Variants in EDNRB observed in about 807,000 individuals in gnomAD.
The protein encoded by EDNRB is endothelin receptor type B, also known as Hirschsprung disease 2.
In EDNRB, 18 loss-of-function variants were observed where a neutral mutation model predicts 46.4. That is an observed-to-expected ratio of 0.39 (90% CI 0.27 to 0.57). The LOEUF is 0.57. EDNRB is among the 20% of genes least tolerant of loss of function. EDNRB has a pLI of 0.61. For missense variants in EDNRB, 434 were observed against 537.5 expected, an observed-to-expected ratio of 0.81 and a Z score of 1.90; for synonymous variants, 213 against 204.9, an observed-to-expected ratio of 1.04 and a Z score of -0.34.
rs568370569 is a variant in EDNRB at position 77,912,747 on chromosome 13, C to T, written c.483+5344G>A. Among the ~76,000 whole-genome samples the T allele has an allele frequency of 2.6e-5, 4 of 152,190 alleles. No individual in the cohort carries two copies. In the South Asian group the frequency reaches 8.3e-4, roughly 32 times the overall value. On this transcript the variant is annotated intron_variant, in intron 1 of 6. Transcript: ENST00000646607. ...ATACTTTAAATGCACTTAATTGGTG[C>T]TCCTTAAAAATTATTTTGCTTTACA... is the stretch of plus-strand genomic sequence containing the variant.
At chr13:77,900,995 ATAAT>A (rs1437680486) in intron 4 of EDNRB, 59 bp downstream of exon 4, 50 of 1,579,536 alleles carry the variant, frequency 3.2e-5, no homozygotes, top group Non-Finnish European at 4.1e-5. Flanking sequence ...CATCATCATC[ATAAT>A]TTTCATATTC....
chr13:77,964,833 T>A (rs140329777), intron 1 of EDNRB, among the ~76,000 whole-genome samples: 1 of 152,000 alleles, frequency 6.6e-6, no homozygotes, highest in Non-Finnish European at 1.5e-5. Context: ...GCAGATTTGC[T>A]AATCCTCTCT....
intron 1 of EDNRB, among the ~76,000 whole-genome samples, chr13:77,961,481 C>G (rs535314081): frequency 2.0e-5 from 3 of 152,302 alleles, no homozygotes; most frequent in African/African-American, 4.8e-5. Context: ...GAAACTCACT[C>G]AAAACCACTC....
chr13:77,904,873 G>T (rs1879196232), intron 1 of EDNRB, among the ~76,000 whole-genome samples: 1 of 151,934 alleles, frequency 6.6e-6, no homozygotes, highest in Non-Finnish European at 1.5e-5. Flanking sequence ...AGACACAATG[G>T]AGTCTTTCCA....
intron 5 of EDNRB, 69 bp from the exon 6 acceptor site, chr13:77,900,036 T>G: frequency 7.3e-7 from 1 of 1,370,758 alleles, no homozygotes; most frequent in Non-Finnish European, 1.0e-6. Flanking sequence ...TTGTAGCTTC[T>G]GTGCTTTTGT....
At chr13:77,910,952 G>A (rs1879537199) in intron 1 of EDNRB, among the ~76,000 whole-genome samples, 1 of 151,948 alleles carries the variant, frequency 6.6e-6, no homozygotes, top group East Asian at 1.9e-4. Flanking sequence ...TTTCTTAAGA[G>A]AAATTGAAGT....
chr13:77,929,786 T>C (rs1452971091), intron 1 of EDNRB, among the ~76,000 whole-genome samples: 1 of 152,202 alleles, frequency 6.6e-6, no homozygotes, highest in African/African-American at 2.4e-5. Flanking sequence ...TGAGAAGCCT[T>C]ATGCAAATCA....
At chr13:77,966,116 TG>T (rs1881573595) in intron 1 of EDNRB, among the ~76,000 whole-genome samples, 1 of 152,170 alleles carries the variant, frequency 6.6e-6, no homozygotes, top group Admixed American at 6.5e-5. Context: ...CTTGAATTCA[TG>T]GGCTCAAGTG....
intron 1 of EDNRB, among the ~76,000 whole-genome samples, chr13:77,930,049 A>G (rs1464096085): frequency 6.6e-6 from 1 of 152,152 alleles, no homozygotes; most frequent in Non-Finnish European, 1.5e-5. Context: ...TCTCGTAGTT[A>G]TGGATTGATT....
At chr13:77,907,121 T>TG in intron 1 of EDNRB, among the ~76,000 whole-genome samples, 1 of 152,054 alleles carries the variant, frequency 6.6e-6, no homozygotes. Context: ...TAACTTTATG[T>TG]GTTAACTTGA....
intron 1 of EDNRB, among the ~76,000 whole-genome samples, chr13:77,931,744 C>CAAAAA (rs67176737): frequency 3.6e-5 from 3 of 83,446 alleles, no homozygotes; most frequent in South Asian, 4.2e-4. Flanking sequence ...ACTGTAGTAG[C>CAAAAA]AAAAAAAAAA....
At chr13:77,964,622 C>T (rs939957319) in intron 1 of EDNRB, among the ~76,000 whole-genome samples, 28 of 152,078 alleles carry the variant, frequency 1.8e-4, no homozygotes, top group African/African-American at 6.8e-4. Flanking sequence ...ACACCGGGGC[C>T]TGTCATGGGG....
intron 1 of EDNRB, among the ~76,000 whole-genome samples, chr13:77,913,746 A>G (rs1879686609): frequency 6.6e-6 from 1 of 152,174 alleles, no homozygotes; most frequent in Admixed American, 6.5e-5. Context: ...ACAACAACAT[A>G]AACACATTGA....
chr13:77,937,918 T>C (rs1432747173), intron 1 of EDNRB, among the ~76,000 whole-genome samples: 1 of 152,188 alleles, frequency 6.6e-6, no homozygotes, highest in African/African-American at 2.4e-5. Flanking sequence ...TGTAAAAGAA[T>C]GCCTGGATGT....
At chr13:77,925,369 T>G (rs1880207866) in intron 1 of EDNRB, among the ~76,000 whole-genome samples, 1 of 152,242 alleles carries the variant, frequency 6.6e-6, no homozygotes, top group African/African-American at 2.4e-5. Context: ...GTTCTATTTT[T>G]TAATAGAGGT....
intron 1 of EDNRB, among the ~76,000 whole-genome samples, chr13:77,913,719 A>G (rs759718408): frequency 3.9e-5 from 6 of 152,194 alleles, no homozygotes; most frequent in Non-Finnish European, 7.4e-5. Context: ...ACCAAGCCAA[A>G]TCAACTAACC....
chr13:77,945,973 C>T (rs1488441885), intron 1 of EDNRB, among the ~76,000 whole-genome samples: 2 of 151,442 alleles, frequency 1.3e-5, no homozygotes, highest in African/African-American at 4.9e-5. Context: ...GGTATTATCA[C>T]ACAAAGATAG....
intron 1 of EDNRB, among the ~76,000 whole-genome samples, chr13:77,954,964 A>G (rs891510597): frequency 6.6e-6 from 1 of 152,166 alleles, no homozygotes; most frequent in Non-Finnish European, 1.5e-5. Context: ...CTTGATTCCA[A>G]TTCTTTTAGA....
Position 77,935,092 on chromosome 13 carries a change from T to C in EDNRB, c.-51-16468A>G, listed in dbSNP as rs372135785. Among the ~76,000 whole-genome samples the C allele has an allele frequency of 1.9e-3, 282 of 151,962 alleles. 1 individual carries two copies. Among genetic ancestry groups the C allele is most frequent in the East Asian group, 7.6e-3 (39 of 5,144 alleles). Reference sequence around the variant, plus strand: ...GGAGCCGGGGAGCAGAAAGTATATGTGTCAGGTGTGAGGAAGAAAATAGAT... The same window carrying C: ...GGAGCCGGGGAGCAGAAAGTATATGCGTCAGGTGTGAGGAAGAAAATAGAT... On this transcript the variant is annotated intron_variant, in intron 1 of 7. Transcript: ENST00000646948.
Sources: gnomAD v4.1 joint callset for allele counts (sites outside exome capture counted in the v4.1 genomes callset) on GRCh38, gnomAD v4.1.1 for gene constraint, MANE v1.5 for transcripts, NCBI Gene and HGNC (gene_info 2026-07-23, HGNC 2026-07-21) for gene names.